ELMO2: variants seen among roughly 807,000 people sequenced by gnomAD.
ELMO2 encodes the protein engulfment and cell motility protein 2.
A neutral mutation model predicts 96.2 loss-of-function variants in ELMO2; 37 were observed. That is an observed-to-expected ratio of 0.38 (90% CI 0.30 to 0.51). The LOEUF (loss-of-function observed/expected upper bound fraction) is 0.51, where lower values mean the gene tolerates loss of function less well. ELMO2 is among the 20% of genes least tolerant of loss of function. ELMO2 has a pLI of 0.88. For missense variants in ELMO2, 561 were observed against 912.6 expected (o/e 0.61, Z 4.96); for synonymous variants, 315 against 329.4 (o/e 0.96, Z 0.47).
chr20:46,400,568 G>A (rs1401467085), intron 1 of ELMO2, among the ~76,000 whole-genome samples: 3 of 152,194 alleles, frequency 2.0e-5, no homozygotes, highest in Non-Finnish European at 4.4e-5. Flanking sequence ...GGCCCCTTCC[G>A]GATTAAACAA....
rs1355945041 is a variant in ELMO2 at position 46,371,402 on chromosome 20, A to G, written c.1751T>C (p.Leu584Ser). The G allele has an allele frequency of 6.2e-7, 1 of 1,614,264 alleles. No individual in the cohort carries two copies. Residue 584 changes from leucine (L) to serine (S), a missense_variant, in exon 19 of 22, where the codon TTG (leucine) becomes TCG (serine). Coordinates refer to ENST00000290246, the MANE Select transcript of ELMO2 (RefSeq NM_133171.5). This position sits in a 1 kb window ranked among gnomAD's most constrained non-coding sequence, Gnocchi z 5.9. The stretch of plus-strand genomic sequence containing the variant: ...CACCTCCCCTTGTGGGTTGTCATCC[A>G]AGTCACCATAGTGAAGGACCTTGTG... ...LNHKVLHYGD[L>S]DDNPQGEVTF...
chr20:46,374,274 C>T lies in ELMO2; in HGVS notation c.1279+58G>A, dbSNP rs371033999. 122 of 1,417,916 alleles carry T rather than the reference C, an allele frequency of 8.6e-5. No individual in the cohort carries two copies. The African/African-American group carries it at 1.6e-3, about 18-fold the overall frequency. 87.8% of individuals were successfully genotyped at this position (1,417,916 alleles called of 1,614,324 possible). Reference sequence around the variant, plus strand: ...CATGTAACTGTTTATAATTTTGAGTCTCACTGAGCTCTTGATGACAAGGAA... The same window carrying T: ...CATGTAACTGTTTATAATTTTGAGTTTCACTGAGCTCTTGATGACAAGGAA... On this transcript the variant is annotated intron_variant, in intron 15 of 21. Coordinates refer to ENST00000290246, the MANE Select transcript of ELMO2 (RefSeq NM_133171.5).
At position 46,371,205 on chromosome 20, in the gene ELMO2, G is replaced by A; in HGVS notation, c.1801+147C>T. ...CAAACCACCCCACCGAGTAGGCCAGGTAGAGGAAATCGCTGACAGATAAGG... is the reference window on the plus strand; with the variant it reads ...CAAACCACCCCACCGAGTAGGCCAGATAGAGGAAATCGCTGACAGATAAGG... On this transcript the variant is annotated intron_variant, in intron 19 of 21. Coordinates refer to ENST00000290246, the MANE Select transcript of ELMO2 (RefSeq NM_133171.5). The surrounding 1 kb of genome is among the most constrained non-coding windows in gnomAD (Gnocchi z 5.9). 1 of 746,616 alleles carries A rather than the reference G, an allele frequency of 1.3e-6. No individual in the cohort carries two copies. The highest frequency in any genetic ancestry group is 2.7e-5 in the East Asian group (1 of 37,324). The allele number at this position is 746,616 out of a possible 1,614,324, so 46.2% of individuals were successfully genotyped here. A position where few individuals can be genotyped will look rare whatever the true frequency, so the allele number is the denominator to read the frequency against.
intron 10 of ELMO2, 87 bp from the exon 11 acceptor site, chr20:46,380,390 G>A: frequency 1.7e-6 from 2 of 1,180,054 alleles, no homozygotes; most frequent in Non-Finnish European, 1.2e-6. Context: ...TCAAAATTCT[G>A]GGCCTTTTTT....
At position 46,375,618 on chromosome 20, in the gene ELMO2, C is replaced by G. The variant is rs770530849; in HGVS notation, c.930+50G>C. 16 of 1,612,036 alleles carry G rather than the reference C, an allele frequency of 9.9e-6. No individual in the cohort carries two copies. The highest frequency in any genetic ancestry group is 1.7e-4 in the Middle Eastern group (1 of 6,012). On this transcript the variant is annotated intron_variant, in intron 12 of 21. Transcript: ENST00000290246. The surrounding 1 kb of genome is among the most constrained non-coding windows in gnomAD (Gnocchi z 4.6). ...ACAGTGCCTGGCACATAGACTAAGGCTGGACTGCACCACAGCCATGAGAAA... is the reference window on the plus strand; with the variant it reads ...ACAGTGCCTGGCACATAGACTAAGGGTGGACTGCACCACAGCCATGAGAAA...
chr20:46,370,473 C>G lies in ELMO2; in HGVS notation c.1854G>C (p.Met618Ile). 6.2e-7 allele frequency: 1 copy of G among 1,614,228 alleles called. No homozygotes were observed. The highest frequency in any genetic ancestry group is 8.5e-7 in the Non-Finnish European group (1 of 1,180,046). Residue 618 changes from methionine to isoleucine, a missense_variant, in exon 20 of 22, where the codon ATG becomes ATC. By Grantham distance (10) the Met-to-Ile change is conservative. Transcript: ENST00000290246. ...TCTGTTTCAGAGCACTTTTCTCTTT[C>G]ATGTGGGGACAATCTTTCCCAGTGA... ...AIVTGKDCPH[M>I]KEKSALKQNK... is the part of the protein sequence containing the mutation.
At chr20:46,382,008 G>A (rs2059965161) in intron 10 of ELMO2, among the ~76,000 whole-genome samples, 1 of 152,204 alleles carries the variant, frequency 6.6e-6, no homozygotes, top group African/African-American at 2.4e-5. Context: ...CCTGGGGCAG[G>A]TACCCCCTTA....
intron 1 of ELMO2, 127 bp from the exon 2 acceptor site, chr20:46,398,898 A>G (rs1401198991): frequency 6.6e-6 from 1 of 152,262 alleles, no homozygotes; most frequent in South Asian, 2.1e-4. Context: ...TCATCGCTCT[A>G]TATAATACTT....
chr20:46,398,319 A>T (rs1244252606), intron 2 of ELMO2, among the ~76,000 whole-genome samples: 2 of 151,578 alleles, frequency 1.3e-5, no homozygotes, highest in East Asian at 1.9e-4. Context: ...ATTTTTTTAA[A>T]TTTTTTTTAA....
intron 8 of ELMO2, 120 bp from the exon 9 acceptor site, chr20:46,386,395 T>G (rs1420924929): frequency 2.0e-5 from 27 of 1,367,958 alleles, no homozygotes; most frequent in Non-Finnish European, 2.7e-5. Context: ...TGTTGCTAGG[T>G]GGATAGTGGT....
At chr20:46,372,328 T>C (rs1337802528) in intron 16 of ELMO2, among the ~76,000 whole-genome samples, 1 of 152,190 alleles carries the variant, frequency 6.6e-6, no homozygotes, top group African/African-American at 2.4e-5. Context: ...AAGACACATC[T>C]CCTGATAGGT....
intron 8 of ELMO2, among the ~76,000 whole-genome samples, chr20:46,386,636 C>T (rs1568771062): frequency 6.6e-6 from 1 of 152,206 alleles, no homozygotes; most frequent in African/African-American, 2.4e-5. Flanking sequence ...ACACACTCCC[C>T]CTAAACACAC....
At chr20:46,405,214 T>G (rs1348088645) in intron 1 of ELMO2, among the ~76,000 whole-genome samples, 1 of 152,200 alleles carries the variant, frequency 6.6e-6, no homozygotes, top group African/African-American at 2.4e-5. Context: ...GCAAGTGTTG[T>G]TAAGGACAAG....
At chr20:46,389,546 G>A (rs1289292390) in intron 6 of ELMO2, among the ~76,000 whole-genome samples, 1 of 152,176 alleles carries the variant, frequency 6.6e-6, no homozygotes, top group African/African-American at 2.4e-5. Flanking sequence ...TTTAATAGAG[G>A]AAGGTTTTCT....
intron 10 of ELMO2, 23 bp downstream of exon 10, chr20:46,383,393 A>C: frequency 1.2e-6 from 2 of 1,610,536 alleles, no homozygotes; most frequent in South Asian, 2.2e-5. Context: ...CCAGATGAAA[A>C]ATGTGAAAAG....
intron 2 of ELMO2, among the ~76,000 whole-genome samples, chr20:46,395,821 G>A (rs2060234570): frequency 6.6e-6 from 1 of 152,214 alleles, no homozygotes; most frequent in Non-Finnish European, 1.5e-5. Context: ...TTTTCCAAGT[G>A]CTTTCACTTA....
chr20:46,396,257 G>A (rs1207286674), intron 2 of ELMO2, among the ~76,000 whole-genome samples: 2 of 152,142 alleles, frequency 1.3e-5, no homozygotes, highest in African/African-American at 4.8e-5. Context: ...TAGGGGTGGC[G>A]CCATCAATCT....
chr20:46,386,355 G>T, intron 8 of ELMO2, 80 bp from the exon 9 acceptor site: 1 of 1,559,842 alleles, frequency 6.4e-7, no homozygotes, highest in African/African-American at 1.4e-5. Context: ...GCTAGCCCTT[G>T]AAGCTCTCTC....
At position 46,374,778 on chromosome 20, in the gene ELMO2, T is replaced by C. The variant is rs1289297070; in HGVS notation, c.1066-138A>G. 3.5e-5 allele frequency: 25 copies of C among 711,966 alleles called. No homozygotes were observed. The East Asian group carries it at 6.5e-4, about 19-fold the overall frequency. The allele number at this position is 711,966 out of a possible 1,614,324, so 44.1% of individuals were successfully genotyped here. On this transcript the variant is annotated intron_variant, in intron 13 of 21. Transcript: ENST00000290246. The stretch of plus-strand genomic sequence containing the variant: ...TCTGTCCTAGCTCTTTTCACACCCA[T>C]CACCACCACTGAACTGTGAGCTCTT...
Sources: allele counts gnomAD v4.1 joint callset (sites outside exome capture counted in the v4.1 genomes callset), GRCh38; gene constraint gnomAD v4.1.1; non-coding constraint Gnocchi (gnomAD v3.1); transcripts MANE v1.5; gene names NCBI Gene and HGNC (gene_info 2026-07-23, HGNC 2026-07-21).